RFWD3: variants seen among roughly 807,000 people sequenced by gnomAD.
RFWD3 encodes the protein ring finger and WD repeat domain 3, also known as E3 ubiquitin-protein ligase RFWD3.
Under a neutral mutation model 87.7 loss-of-function variants are expected in RFWD3, and 65 were observed. That is an observed-to-expected ratio of 0.74 (90% confidence interval 0.61 to 0.91). The LOEUF is 0.91. Among genes scored for constraint, RFWD3 ranks in the 40% least tolerant of loss-of-function variants. RFWD3 has a pLI of 0.00. For missense variants in RFWD3, 1,078 were observed against 938.5 expected (o/e 1.15, Z -1.94); for synonymous variants, 433 against 352.8 (o/e 1.23, Z -2.55).
intron 11 of RFWD3, among the ~76,000 whole-genome samples, chr16:74,627,327 CCT>C (rs1431480794): frequency 6.6e-6 from 1 of 152,032 alleles, no homozygotes; most frequent in Non-Finnish European, 1.5e-5. Flanking sequence ...CCAGATGTAC[CCT>C]GTCAACTTTG....
intron 1 of RFWD3, chr16:74,665,161 G>C (rs1267687516): frequency 6.6e-6 from 1 of 152,290 alleles, no homozygotes; most frequent in Non-Finnish European, 1.5e-5. Flanking sequence ...TCAAATCTTT[G>C]CTCTGGCCGG....
intron 2 of RFWD3, among the ~76,000 whole-genome samples, chr16:74,654,090 A>G (rs958950514): frequency 2.0e-5 from 3 of 152,138 alleles, no homozygotes; most frequent in Non-Finnish European, 4.4e-5. Flanking sequence ...CTGGTTCCAA[A>G]ACATTTTTGT....
At chr16:74,637,003 G>A (rs982291988) in intron 7 of RFWD3, among the ~76,000 whole-genome samples, 1 of 151,522 alleles carries the variant, frequency 6.6e-6, no homozygotes, top group Admixed American at 6.6e-5. Flanking sequence ...GTGAGCCACC[G>A]CGCCCGGCCA....
At chr16:74,657,716 C>T (rs1961109010) in intron 2 of RFWD3, among the ~76,000 whole-genome samples, 1 of 152,078 alleles carries the variant, frequency 6.6e-6, no homozygotes, top group African/African-American at 2.4e-5. Flanking sequence ...TCAGGTGATT[C>T]GCCTGCCTCA....
intron 2 of RFWD3, among the ~76,000 whole-genome samples, chr16:74,660,182 A>G (rs1961310975): frequency 6.6e-6 from 1 of 152,184 alleles, no homozygotes; most frequent in African/African-American, 2.4e-5. Flanking sequence ...CCTCTATTCT[A>G]TAGTTATGAG....
chr16:74,644,173 A>C (rs1959915376), intron 6 of RFWD3, 189 bp downstream of exon 6: 1 of 642,500 alleles, frequency 1.6e-6, no homozygotes, highest in Non-Finnish European at 2.8e-6. Context: ...AACGATGCAG[A>C]CTTCCTTAAG....
At chr16:74,638,033 G>C in intron 6 of RFWD3, 63 bp from the exon 7 acceptor site, 1 of 1,088,160 alleles carries the variant, frequency 9.2e-7, no homozygotes, top group African/African-American at 1.5e-5. Flanking sequence ...TCCCATCCAG[G>C]TGGCAGAGTT....
intron 6 of RFWD3, among the ~76,000 whole-genome samples, chr16:74,638,197 T>C (rs556627447): frequency 7.2e-5 from 11 of 152,274 alleles, no homozygotes; most frequent in African/African-American, 2.4e-4. Context: ...GGACTAAAAA[T>C]GCCACAGGCA....
At chr16:74,638,427 T>G (rs1959335003) in intron 6 of RFWD3, among the ~76,000 whole-genome samples, 1 of 151,852 alleles carries the variant, frequency 6.6e-6, no homozygotes, top group African/African-American at 2.4e-5. Flanking sequence ...CAATTAGAAT[T>G]AAGGAAAAAG....
intron 2 of RFWD3, among the ~76,000 whole-genome samples, chr16:74,652,722 T>C (rs935465300): frequency 2.6e-5 from 4 of 152,214 alleles, no homozygotes; most frequent in African/African-American, 9.6e-5. Context: ...ACACTCCAAA[T>C]ATATCTTGGC....
At chr16:74,624,688 C>T (rs184088739) in intron 12 of RFWD3, among the ~76,000 whole-genome samples, 4 of 152,304 alleles carry the variant, frequency 2.6e-5, no homozygotes, top group East Asian at 3.9e-4. Flanking sequence ...TGAGCCACCG[C>T]GTCTGGCCTC....
intron 2 of RFWD3, among the ~76,000 whole-genome samples, chr16:74,658,528 C>T (rs4462623): frequency 0.71 from 108,588 of 152,126 alleles, 39,382 homozygotes; most frequent in African/African-American, 0.84. Flanking sequence ...CTGAGAAATT[C>T]ATCTCAAGAA....
At chr16:74,636,288 G>A (rs1332214010) in intron 8 of RFWD3, 58 bp downstream of exon 8, 4 of 1,486,640 alleles carry the variant, frequency 2.7e-6, no homozygotes, top group Non-Finnish European at 3.7e-6. Flanking sequence ...AAAAGGCAAG[G>A]AAATAAATAT....
chr16:74,661,581 A>T (rs557021698), intron 1 of RFWD3, 130 bp from the exon 2 acceptor site: 69 of 883,572 alleles, frequency 7.8e-5, no homozygotes, highest in Non-Finnish European at 6.6e-5. Flanking sequence ...AAGCTTCAAG[A>T]GAAGATTTTA....
chr16:74,665,653 G>A (rs1029097694), intron 1 of RFWD3, among the ~76,000 whole-genome samples: 14 of 152,238 alleles, frequency 9.2e-5, no homozygotes, highest in African/African-American at 1.7e-4. Flanking sequence ...CAGCTATTGC[G>A]GGAAGCCGAG....
At chr16:74,638,034 T>C in intron 6 of RFWD3, 64 bp from the exon 7 acceptor site, 1 of 1,086,338 alleles carries the variant, frequency 9.2e-7, no homozygotes, top group East Asian at 2.5e-5. Context: ...CCCATCCAGG[T>C]GGCAGAGTTA....
intron 3 of RFWD3, 55 bp downstream of exon 3, chr16:74,651,865 A>T (rs1004375012): frequency 1.1e-5 from 17 of 1,519,530 alleles, no homozygotes; most frequent in Admixed American, 7.2e-5. Flanking sequence ...GCCTTCCGAA[A>T]TTTAAGCTTC....
intron 9 of RFWD3, among the ~76,000 whole-genome samples, chr16:74,631,753 C>T (rs552993633): frequency 3.1e-4 from 47 of 152,166 alleles, no homozygotes; most frequent in African/African-American, 1.1e-3. Context: ...GGTATGGCGA[C>T]TCTGATGTCA....
At chr16:74,644,234 G>A (rs979280972) in intron 6 of RFWD3, 128 bp downstream of exon 6, 3 of 830,992 alleles carry the variant, frequency 3.6e-6, no homozygotes, top group African/African-American at 3.3e-5. Flanking sequence ...GACTGCCAAT[G>A]ATCCCCAGAG....
Sources: gnomAD v4.1 joint callset for allele counts (sites outside exome capture counted in the v4.1 genomes callset) on GRCh38, gnomAD v4.1.1 for gene constraint, MANE v1.5 for transcripts, NCBI Gene and HGNC (gene_info 2026-07-23, HGNC 2026-07-21) for gene names.